Variants in BRDT observed in about 807,000 individuals in gnomAD.
The protein encoded by BRDT is bromodomain testis associated, also known as bromodomain testis-specific protein.
Under a neutral mutation model 113.9 loss-of-function variants are expected in BRDT, and 77 were observed. The ratio of observed to expected loss-of-function variants is 0.68; its 90% CI spans 0.56 to 0.82. BRDT has a LOEUF of 0.82. Ranked by LOEUF, BRDT falls within the 40% of genes least tolerant of loss-of-function variation. The pLI, the probability that BRDT is intolerant of heterozygous loss-of-function variation, is 0.00. For missense variants in BRDT, 1,027 were observed against 1,105.4 expected (o/e 0.93, Z 1.01); for synonymous variants, 358 against 366.5 (o/e 0.98, Z 0.26).
In BRDT at chr1:91,962,685, G is replaced by A. The variant is rs150325383; in HGVS notation, c.-37-33G>A. 300 of 1,295,722 alleles carry A rather than the reference G, an allele frequency of 2.3e-4. No homozygotes were observed. In the African/African-American group the frequency reaches 4.3e-3, roughly 19 times the overall value. The allele number at this position is 1,295,722 out of a possible 1,614,324, so 80.3% of individuals were successfully genotyped here. ...AGCTCCTGTGGAAACCATTCCTAAAGTGCTTCTGAAGTACTCAGTTTTTGT... is the reference window on the plus strand; with the variant it reads ...AGCTCCTGTGGAAACCATTCCTAAAATGCTTCTGAAGTACTCAGTTTTTGT... On this transcript the variant is annotated intron_variant, in intron 1 of 18. Transcript: ENST00000399546.
intron 16 of BRDT, among the ~76,000 whole-genome samples, chr1:92,003,322 A>G (rs1034182743): frequency 2.1e-4 from 32 of 152,212 alleles, no homozygotes; most frequent in Admixed American, 2.1e-3. Context: ...TCATGGAAAT[A>G]CATCAAAAGT....
intron 1 of BRDT, among the ~76,000 whole-genome samples, chr1:91,961,928 C>T (rs1289343109): frequency 6.6e-6 from 1 of 151,892 alleles, no homozygotes; most frequent in Admixed American, 6.6e-5. Flanking sequence ...GAGGCCGAGG[C>T]GGGCGGATCA....
At chr1:91,968,401 A>AC (rs1683283301) in intron 4 of BRDT, 141 bp downstream of exon 4, 1 of 1,248,172 alleles carries the variant, frequency 8.0e-7, no homozygotes, top group Non-Finnish European at 1.1e-6. Flanking sequence ...TCCATTTGAA[A>AC]CAATCTGCCA....
intron 12 of BRDT, among the ~76,000 whole-genome samples, chr1:91,985,732 G>A (rs1047894725): frequency 7.4e-6 from 1 of 136,022 alleles, no homozygotes; most frequent in Admixed American, 8.5e-5. Context: ...TCCGCCTCCC[G>A]GGTTCACGTT....
At chr1:91,953,496 A>G (rs980696762) in intron 1 of BRDT, among the ~76,000 whole-genome samples, 14 of 151,980 alleles carry the variant, frequency 9.2e-5, no homozygotes, top group African/African-American at 3.4e-4. Context: ...CCCGGCCAAT[A>G]TGGTGAAACC....
chr1:91,990,717 G>C (rs1416361711), intron 12 of BRDT, among the ~76,000 whole-genome samples: 1 of 152,130 alleles, frequency 6.6e-6, no homozygotes, highest in Non-Finnish European at 1.5e-5. Context: ...AATTTTAGCT[G>C]ATTCAAGGAG....
At chr1:91,973,869 G>A (rs962805094) in intron 4 of BRDT, among the ~76,000 whole-genome samples, 7 of 152,168 alleles carry the variant, frequency 4.6e-5, no homozygotes, top group Admixed American at 3.9e-4. Flanking sequence ...TTTTCGAAGG[G>A]AAAAGTTTTC....
At chr1:92,007,371 G>T (rs921723529) in intron 18 of BRDT, among the ~76,000 whole-genome samples, 1 of 152,006 alleles carries the variant, frequency 6.6e-6, no homozygotes, top group African/African-American at 2.4e-5. Context: ...TACCTTTTCT[G>T]CTCCTCTCCG....
rs375854849 is a variant in BRDT at position 91,980,720 on chromosome 1, T to A, written c.1365T>A (p.Ser455=). ...FRKLNKKKEK[S]KKEKKKEKVN... ...AGCTAAATAAAAAGAAAGAGAAGTC[T>A]AAAAAGGAAAAGAAAAAAGAAAAGG... The change falls in exon 9 of 19, where the codon TCT becomes TCA. Residue 455 remains serine, a synonymous_variant. Coordinates refer to ENST00000399546, the MANE Select transcript of BRDT (RefSeq NM_207189.4). 1.2e-6 allele frequency: 2 copies of A among 1,606,900 alleles called. No homozygotes were observed. The highest frequency in any genetic ancestry group is 1.7e-4 in the Middle Eastern group (1 of 6,008).
intron 5 of BRDT, 118 bp downstream of exon 5, chr1:91,976,556 T>A: frequency 2.0e-6 from 2 of 989,364 alleles, no homozygotes; most frequent in Non-Finnish European, 2.8e-6. Context: ...ATTTAGCATC[T>A]AGCAATCTGA....
chr1:91,968,805 A>G (rs1351034646), intron 4 of BRDT, among the ~76,000 whole-genome samples: 1 of 152,206 alleles, frequency 6.6e-6, no homozygotes, highest in Non-Finnish European at 1.5e-5. Flanking sequence ...ATAGAGGTTA[A>G]TCAAGAGTGT....
Position 92,004,560 on chromosome 1 carries a change from C to T in BRDT, c.2535C>T (p.Leu845=). The T allele has an allele frequency of 1.2e-6, 2 of 1,612,824 alleles. No individual in the cohort carries two copies. Among genetic ancestry groups the T allele is most frequent in the Non-Finnish European group, 1.7e-6 (2 of 1,179,606 alleles). ...EKEVKARTQE[L]IRKHLEQNTK... is the part of the protein sequence containing the mutation. ...AAGTAAAAGCTCGGACACAGGAACTCATACGGAAGCATTTGGAACAAAATA... is the reference window on the plus strand; with the variant it reads ...AAGTAAAAGCTCGGACACAGGAACTTATACGGAAGCATTTGGAACAAAATA... The change falls in exon 17 of 19, where the codon CTC becomes CTT. Residue 845 remains leucine (L), a synonymous_variant. Transcript: ENST00000399546.
At chr1:91,985,319 C>G (rs1488449293) in intron 12 of BRDT, among the ~76,000 whole-genome samples, 2 of 152,034 alleles carry the variant, frequency 1.3e-5, no homozygotes, top group Non-Finnish European at 1.5e-5. Context: ...CTCGGCCTCC[C>G]AAAGAGCTGG....
intron 18 of BRDT, among the ~76,000 whole-genome samples, chr1:92,011,995 T>TG (rs1687836118): frequency 6.6e-6 from 1 of 152,156 alleles, no homozygotes. Flanking sequence ...GTGTCAGCTA[T>TG]GGGGAGCATT....
intron 18 of BRDT, 140 bp from the exon 19 acceptor site, chr1:92,014,066 G>T: frequency 3.6e-6 from 2 of 559,118 alleles, no homozygotes; most frequent in Admixed American, 8.0e-5. Flanking sequence ...TGTTCAACCT[G>T]AGAAAATAAA....
chr1:91,977,493 T>A, intron 6 of BRDT, 100 bp downstream of exon 6: 1 of 1,051,652 alleles, frequency 9.5e-7, no homozygotes, highest in Non-Finnish European at 1.4e-6. Flanking sequence ...TGAAGGAAAT[T>A]AAGATCATCC....
At chr1:91,997,926 A>T (rs1007884333) in intron 15 of BRDT, among the ~76,000 whole-genome samples, 2 of 152,262 alleles carry the variant, frequency 1.3e-5, no homozygotes, top group Non-Finnish European at 1.5e-5. Flanking sequence ...CCTTACAATT[A>T]AATGATAAAA....
intron 1 of BRDT, among the ~76,000 whole-genome samples, chr1:91,959,068 C>T (rs1247158652): frequency 5.3e-5 from 8 of 151,884 alleles, no homozygotes; most frequent in Admixed American, 2.6e-4. Context: ...GAAAATGAAA[C>T]CATGAGACTG....
At chr1:91,965,987 T>A (rs1385290482) in intron 3 of BRDT, among the ~76,000 whole-genome samples, 1 of 152,220 alleles carries the variant, frequency 6.6e-6, no homozygotes, top group African/African-American at 2.4e-5. Context: ...GGATTTGTGT[T>A]AATGAATTTG....
Sources: allele counts gnomAD v4.1 joint callset (sites outside exome capture counted in the v4.1 genomes callset), GRCh38; gene constraint gnomAD v4.1.1; transcripts MANE v1.5; gene names NCBI Gene and HGNC (gene_info 2026-07-23, HGNC 2026-07-21).